Variants in APOLD1 observed in about 807,000 individuals in gnomAD.
APOLD1 encodes the protein apolipoprotein L domain containing 1, also known as apolipoprotein L domain-containing protein 1.
APOLD1 carries 22 observed loss-of-function variants against 15.3 expected under a neutral mutation model. The ratio of observed to expected loss-of-function variants is 1.44; its 90% CI spans 1.03 to 2.05. APOLD1 has a LOEUF of 2.05. Among genes scored for constraint, APOLD1 ranks in the 30% most tolerant of loss-of-function variants. The pLI, the probability that APOLD1 is intolerant of heterozygous loss-of-function variation, is 0.00. For missense variants in APOLD1, 394 were observed against 353.5 expected, an observed-to-expected ratio of 1.11 and a Z score of -0.92; for synonymous variants, 190 against 167.4, an observed-to-expected ratio of 1.13 and a Z score of -1.04.
chr12:12,778,767 C>A (rs894829510), intron 1 of APOLD1, among the ~76,000 whole-genome samples: 1 of 152,208 alleles, frequency 6.6e-6, no homozygotes. Flanking sequence ...TTTATCCACT[C>A]CATTGCATCC....
rs77712337 is a variant in APOLD1, at chr12:12,762,235, T to G, written c.97-24674T>G. ...AGGAGCCCAGTGAAATTTGGAACCA[T>G]GGAGGCAGGGCCACCCAGGGAGTTA... On this transcript the variant is annotated intron_variant, in intron 1 of 1. Transcript: ENST00000326765. Among the ~76,000 whole-genome samples the G allele has an allele frequency of 4.5e-3, 687 of 152,102 alleles. 6 individuals carry two copies. The highest frequency in any genetic ancestry group is 0.016 in the African/African-American group (650 of 41,482).
chr12:12,768,498 C>CA (rs945857022), intron 1 of APOLD1, among the ~76,000 whole-genome samples: 2 of 151,630 alleles, frequency 1.3e-5, no homozygotes, highest in Non-Finnish European at 2.9e-5. Context: ...CAAAACAAAA[C>CA]AAAAAAACCA....
chr12:12,739,816 CTTTT>C (rs35885205), intron 1 of APOLD1, among the ~76,000 whole-genome samples: 3 of 111,706 alleles, frequency 2.7e-5, no homozygotes, highest in African/African-American at 3.3e-5. Flanking sequence ...CCAGATCCTA[CTTTT>C]TTTTTTTTTT....
chr12:12,755,029 G>A (rs1946846362), intron 1 of APOLD1, among the ~76,000 whole-genome samples: 1 of 152,022 alleles, frequency 6.6e-6, no homozygotes, highest in Admixed American at 6.5e-5. Context: ...CTGGGCGACA[G>A]AGTGAGGCCC....
chr12:12,771,105 C>G (rs562666689), intron 1 of APOLD1, among the ~76,000 whole-genome samples: 1 of 152,084 alleles, frequency 6.6e-6, no homozygotes, highest in Admixed American at 6.6e-5. Flanking sequence ...AAAGAATTTC[C>G]TTAGAAAAAA....
intron 1 of APOLD1, chr12:12,771,289 A>C (rs559925027): frequency 5.6e-6 from 1 of 177,216 alleles, no homozygotes; most frequent in Non-Finnish European, 1.2e-5. Context: ...GTGTATGAAA[A>C]AGGTGCTGGG....
At chr12:12,766,080 A>G (rs981009844) in intron 1 of APOLD1, among the ~76,000 whole-genome samples, 3 of 152,200 alleles carry the variant, frequency 2.0e-5, no homozygotes, top group African/African-American at 4.8e-5. Context: ...TTTGCCTCTC[A>G]GGACCTTATC....
chr12:12,746,522 A>AATACATAAATACATAC (rs1555089078), intron 1 of APOLD1, among the ~76,000 whole-genome samples: 17 of 144,158 alleles, frequency 1.2e-4, no homozygotes, highest in South Asian at 4.5e-4. Flanking sequence ...TAAATACATA[A>AATACATAAATACATAC]ATACATACAT....
chr12:12,726,188 T>TAG, intron 1 of APOLD1: 2 of 675,126 alleles, frequency 3.0e-6, no homozygotes, highest in South Asian at 6.4e-5. Flanking sequence ...AAAGAGGAAA[T>TAG]AGAGGAAAAA....
intron 1 of APOLD1, among the ~76,000 whole-genome samples, chr12:12,735,679 TTTGGGAGGCCAAAGTGGATTGC>T (rs1391415821): frequency 2.0e-5 from 3 of 152,160 alleles, no homozygotes; most frequent in African/African-American, 7.2e-5. Context: ...ATCTCAGTGC[TTTGGGAGGCCAAAGTGGATTGC>T]TTGGGAGGCC....
At chr12:12,734,308 G>C (rs1331388908) in intron 1 of APOLD1, among the ~76,000 whole-genome samples, 6 of 152,216 alleles carry the variant, frequency 3.9e-5, no homozygotes, top group Non-Finnish European at 1.5e-5. Context: ...GAATTCACCA[G>C]ATCAACTCCC....
rs772600904 is a variant in APOLD1 at position 12,787,633 on chromosome 12, G to A, written c.728G>A (p.Arg243His). 2.5e-6 allele frequency: 4 copies of A among 1,596,520 alleles called. No homozygotes were observed. The South Asian group carries it at 3.3e-5, about 13-fold the overall frequency. ...GACCTCAAGATCTCTGCTGACCAGC[G>A]TGCAGGGCTGTTTTTCTGAGAACAT... Reference protein sequence around the residue: ...GHDLKISADQRAGLFF With the variant: ...GHDLKISADQHAGLFF The change falls in exon 2 of 2, where the codon CGT becomes CAT. Residue 243 changes from arginine (R) to histidine (H), a missense_variant. Arg to His is a conservative substitution (Grantham distance 29). Coordinates refer to ENST00000356591, the MANE Select transcript of APOLD1 (RefSeq NM_030817.3). The surrounding 1 kb of genome is among the most constrained non-coding windows in gnomAD (Gnocchi z 4.9).
At chr12:12,729,095 G>T (rs935646921) in intron 1 of APOLD1, among the ~76,000 whole-genome samples, 1 of 151,842 alleles carries the variant, frequency 6.6e-6, no homozygotes, top group Non-Finnish European at 1.5e-5. Context: ...ATTGCTGGTG[G>T]GCCGAGTCCT....
upstream of APOLD1, among the ~76,000 whole-genome samples, chr12:12,783,431 C>G (rs1947099868): frequency 6.6e-6 from 1 of 151,004 alleles, no homozygotes; most frequent in African/African-American, 2.4e-5. Context: ...CTGCCTCAGT[C>G]TCCTGAGTAG....
At chr12:12,771,900 T>C (rs1342440737) in intron 1 of APOLD1, among the ~76,000 whole-genome samples, 1 of 152,070 alleles carries the variant, frequency 6.6e-6, no homozygotes, top group East Asian at 1.9e-4. Flanking sequence ...TATGGCATAT[T>C]CAAAAGTGAC....
At chr12:12,777,370 T>C (rs1039544782) in intron 1 of APOLD1, among the ~76,000 whole-genome samples, 1 of 152,176 alleles carries the variant, frequency 6.6e-6, no homozygotes, top group African/African-American at 2.4e-5. Flanking sequence ...CTGTTCCAAT[T>C]ACAAAACGAC....
intron 1 of APOLD1, among the ~76,000 whole-genome samples, chr12:12,755,218 C>T (rs543011324): frequency 9.4e-4 from 143 of 152,214 alleles, no homozygotes; most frequent in African/African-American, 3.3e-3. Context: ...ATACATTAGT[C>T]TATCAGTAGT....
At chr12:12,779,775 G>A (rs1280547255) in intron 1 of APOLD1, among the ~76,000 whole-genome samples, 1 of 152,164 alleles carries the variant, frequency 6.6e-6, no homozygotes, top group Non-Finnish European at 1.5e-5. Context: ...ACATAGACAA[G>A]TGTGTATCTA....
At chr12:12,767,524 G>A (rs143813910) in intron 1 of APOLD1, among the ~76,000 whole-genome samples, 1 of 152,138 alleles carries the variant, frequency 6.6e-6, no homozygotes, top group East Asian at 1.9e-4. Flanking sequence ...AGATGGGTGT[G>A]GGGGCCCGCG....
Sources: allele counts gnomAD v4.1 joint callset (sites outside exome capture counted in the v4.1 genomes callset), GRCh38; gene constraint gnomAD v4.1.1; non-coding constraint Gnocchi (gnomAD v3.1); transcripts MANE v1.5; gene names NCBI Gene and HGNC (gene_info 2026-07-23, HGNC 2026-07-21).